The following TTLL5 variants were observed in gnomAD, a reference collection of about 807,000 sequenced individuals.
The protein encoded by TTLL5 is tubulin tyrosine ligase like 5.
Under a neutral mutation model 168.4 loss-of-function variants are expected in TTLL5, and 132 were observed. The ratio of observed to expected loss-of-function variants is 0.78; its 90% CI spans 0.68 to 0.91. The LOEUF (loss-of-function observed/expected upper bound fraction) is 0.91, where lower values mean the gene tolerates loss of function less well. Ranked by LOEUF, TTLL5 falls within the 40% of genes least tolerant of loss-of-function variation. TTLL5 has a pLI of 0.00. For missense variants in TTLL5, 1,545 were observed against 1,581.5 expected, an observed-to-expected ratio of 0.98 and a Z score of 0.39; for synonymous variants, 546 against 558.6, an observed-to-expected ratio of 0.98 and a Z score of 0.32.
intron 7 of TTLL5, among the ~76,000 whole-genome samples, chr14:75,703,508 C>A (rs1315371393): frequency 6.6e-6 from 1 of 152,174 alleles, no homozygotes; most frequent in Non-Finnish European, 1.5e-5. Flanking sequence ...GTTTGCTCCA[C>A]TCCTTCAGTA....
chr14:75,721,638 C>T (rs1887843367), intron 12 of TTLL5, among the ~76,000 whole-genome samples: 1 of 152,148 alleles, frequency 6.6e-6, no homozygotes, highest in Non-Finnish European at 1.5e-5. Flanking sequence ...TACTCTAATC[C>T]TGTTTCCTCA....
chr14:75,910,404 T>G (rs2033325530), intron 31 of TTLL5, among the ~76,000 whole-genome samples: 1 of 152,244 alleles, frequency 6.6e-6, no homozygotes, highest in African/African-American at 2.4e-5. Flanking sequence ...TCTAGTCTAT[T>G]CTTGCAGTCC....
At chr14:75,726,204 C>T (rs1166714502) in intron 12 of TTLL5, among the ~76,000 whole-genome samples, 2 of 152,096 alleles carry the variant, frequency 1.3e-5, no homozygotes, top group East Asian at 3.9e-4. Flanking sequence ...TTTATTTCCT[C>T]CTCTCTCCCT....
intron 28 of TTLL5, among the ~76,000 whole-genome samples, chr14:75,863,450 C>A (rs1212990312): frequency 6.6e-6 from 1 of 152,118 alleles, no homozygotes; most frequent in Non-Finnish European, 1.5e-5. Context: ...CCTTATGATA[C>A]GTGCTAGGAA....
At chr14:75,942,511 G>C (rs2034642856) in intron 31 of TTLL5, among the ~76,000 whole-genome samples, 1 of 152,144 alleles carries the variant, frequency 6.6e-6, no homozygotes, top group South Asian at 2.1e-4. Flanking sequence ...GCAAGACAAA[G>C]TCCCTCCCCA....
intron 20 of TTLL5, among the ~76,000 whole-genome samples, chr14:75,769,833 T>C (rs138323396): frequency 5.6e-4 from 85 of 152,328 alleles, no homozygotes; most frequent in East Asian, 1.2e-3. Context: ...AAGTGATATA[T>C]GCTCTCTGGG....
At chr14:75,794,092 T>A (rs1892866832) in intron 27 of TTLL5, among the ~76,000 whole-genome samples, 1 of 152,220 alleles carries the variant, frequency 6.6e-6, no homozygotes, top group Non-Finnish European at 1.5e-5. Flanking sequence ...TTAGTTTTAC[T>A]TCAGCCTCAT....
intron 30 of TTLL5, among the ~76,000 whole-genome samples, chr14:75,894,784 C>T (rs1484845405): frequency 6.6e-6 from 1 of 151,908 alleles, no homozygotes; most frequent in East Asian, 1.9e-4. Flanking sequence ...TGGAAAAGAG[C>T]AATTATGAAA....
chr14:75,824,897 A>G (rs1436547326), intron 28 of TTLL5, among the ~76,000 whole-genome samples: 1 of 152,180 alleles, frequency 6.6e-6, no homozygotes, highest in Non-Finnish European at 1.5e-5. Flanking sequence ...TTTCTTGAAA[A>G]GCATGTTACC....
intron 30 of TTLL5, among the ~76,000 whole-genome samples, chr14:75,897,320 T>TCC (rs2032713474): frequency 6.6e-6 from 1 of 152,192 alleles, no homozygotes; most frequent in Non-Finnish European, 1.5e-5. Flanking sequence ...GATTTTGCCT[T>TCC]CATAGAGAGG....
chr14:75,943,802 GAAATT>G (rs1226977603), intron 31 of TTLL5, among the ~76,000 whole-genome samples: 2 of 152,118 alleles, frequency 1.3e-5, no homozygotes, highest in Non-Finnish European at 2.9e-5. Context: ...TATGTTTAGA[GAAATT>G]AAAAGAGAGA....
intron 28 of TTLL5, among the ~76,000 whole-genome samples, chr14:75,857,381 T>TTAGATAGATAGATAGA (rs75729746): frequency 0.025 from 3,798 of 149,840 alleles, 51 homozygotes; most frequent in Admixed American, 0.032. Flanking sequence ...GGTTGGTTGA[T>TTAGATAGATAGATAGA]TAGATAGATA....
intron 31 of TTLL5, among the ~76,000 whole-genome samples, chr14:75,903,847 A>T (rs1052893560): frequency 5.5e-4 from 83 of 150,954 alleles, no homozygotes; most frequent in Non-Finnish European, 3.2e-4. Flanking sequence ...GTGAGTTGTG[A>T]TCCTGCCACT....
chr14:75,723,932 T>A (rs1278458501), intron 12 of TTLL5, among the ~76,000 whole-genome samples: 1 of 152,182 alleles, frequency 6.6e-6, no homozygotes, highest in East Asian at 1.9e-4. Context: ...TGATTTTGTA[T>A]ACGTGTGTAT....
At chr14:75,773,963 G>A (rs368727958) in intron 21 of TTLL5, among the ~76,000 whole-genome samples, 1,420 of 68,934 alleles carry the variant, frequency 0.021, 7 homozygotes, top group Non-Finnish European at 0.024. Context: ...GAGAAAGAGA[G>A]AGAGAGAGAG....
chr14:75,685,395 GGGT>G (rs1884970896), intron 5 of TTLL5, among the ~76,000 whole-genome samples: 1 of 146,564 alleles, frequency 6.8e-6, no homozygotes, highest in Non-Finnish European at 1.5e-5. Flanking sequence ...AAAAAAAAAA[GGGT>G]GGTGTTATGA....
At chr14:75,756,892 A>G (rs1300412819) in intron 18 of TTLL5, among the ~76,000 whole-genome samples, 1 of 152,136 alleles carries the variant, frequency 6.6e-6, no homozygotes, top group African/African-American at 2.4e-5. Flanking sequence ...CATGAATAGC[A>G]CTCAATTTCT....
intron 17 of TTLL5, among the ~76,000 whole-genome samples, chr14:75,746,563 T>C (rs1040397385): frequency 4.0e-5 from 6 of 150,710 alleles, no homozygotes; most frequent in Admixed American, 1.3e-4. Context: ...TTTTCTTTTT[T>C]TTTTTTTTTT....
intron 27 of TTLL5, among the ~76,000 whole-genome samples, chr14:75,793,925 G>A (rs983053276): frequency 6.6e-6 from 1 of 152,122 alleles, no homozygotes; most frequent in Non-Finnish European, 1.5e-5. Flanking sequence ...TTCCTTAATT[G>A]GTAGTAACTC....
Sources: gnomAD v4.1 joint callset for allele counts (sites outside exome capture counted in the v4.1 genomes callset) on GRCh38, gnomAD v4.1.1 for gene constraint, MANE v1.5 for transcripts, NCBI Gene and HGNC (gene_info 2026-07-23, HGNC 2026-07-21) for gene names.